SHANK2: variants seen among roughly 807,000 people sequenced by gnomAD.
SHANK2 encodes the protein SH3 and multiple ankyrin repeat domains protein 2.
A neutral mutation model predicts 133.7 loss-of-function variants in SHANK2; 43 were observed. The observed-to-expected ratio is 0.32, with a 90% CI of 0.25 to 0.41. The LOEUF (loss-of-function observed/expected upper bound fraction) is 0.41. Among genes scored for constraint, SHANK2 ranks in the 10% least tolerant of loss-of-function variants. The pLI, the probability that SHANK2 is intolerant of heterozygous loss-of-function variation, is 1.00. For missense variants in SHANK2, 1,994 were observed against 2,235.8 expected (o/e 0.89, Z 2.18); for synonymous variants, 1,017 against 952.8 (o/e 1.07, Z -1.24).
chr11:70,729,419 C>A (rs555488338), intron 14 of SHANK2, among the ~76,000 whole-genome samples: 1 of 151,826 alleles, frequency 6.6e-6, no homozygotes, highest in Non-Finnish European at 1.5e-5. Flanking sequence ...TTCATGGGCA[C>A]GGGGCTTCCT....
intron 14 of SHANK2, among the ~76,000 whole-genome samples, chr11:70,785,453 C>T (rs1355726461): frequency 6.6e-6 from 1 of 152,226 alleles, no homozygotes; most frequent in African/African-American, 2.4e-5. Flanking sequence ...CCAAAAGTCT[C>T]CTCTCTCCTT....
At chr11:70,766,377 C>A (rs962577724) in intron 14 of SHANK2, among the ~76,000 whole-genome samples, 8 of 152,206 alleles carry the variant, frequency 5.3e-5, no homozygotes, top group Admixed American at 3.9e-4. Context: ...TTTTCTGTCA[C>A]ATGTGGCTGA....
chr11:70,706,511 C>T (rs1336688392), intron 14 of SHANK2, among the ~76,000 whole-genome samples: 1 of 152,130 alleles, frequency 6.6e-6, no homozygotes, highest in Non-Finnish European at 1.5e-5. Flanking sequence ...GCTGTGACCT[C>T]CTCACTTTGC....
chr11:70,936,326 A>G (rs1417559644), intron 10 of SHANK2, among the ~76,000 whole-genome samples: 1 of 152,168 alleles, frequency 6.6e-6, no homozygotes, highest in African/African-American at 2.4e-5. Context: ...AGCCTGGCCA[A>G]CATGGTGAAA....
At chr11:70,713,919 C>A (rs1945853378) in intron 14 of SHANK2, among the ~76,000 whole-genome samples, 1 of 152,256 alleles carries the variant, frequency 6.6e-6, no homozygotes, top group Non-Finnish European at 1.5e-5. Flanking sequence ...GTGCCAGTGT[C>A]CAAGCTCTGG....
At position 71,175,545 on chromosome 11, in the gene SHANK2, G is replaced by GAGAGAGAGAGAGA. The variant is rs1953416607; in HGVS notation, c.-12-28208_-12-28207insTCTCTCTCTCTCT. 1.3e-5 allele frequency among the ~76,000 whole-genome samples: 1 copy of GAGAGAGAGAGAGA among 79,306 alleles called. No homozygotes were observed. The highest frequency in any genetic ancestry group is 4.4e-5 in the African/African-American group (1 of 22,508). 52.0% of individuals were successfully genotyped at this position (79,306 alleles called of 152,430 possible). ...GACAGACAGACAGACAGAGGGAGAG[G>GAGAGAGAGAGAGA]GAGAGGGAGAGAGAGAGAGAGAGAG... On this transcript the variant is annotated intron_variant, in intron 2 of 25. Transcript: ENST00000601538. This position sits in a 1 kb window ranked among gnomAD's most constrained non-coding sequence, Gnocchi z 4.2.
Position 70,535,468 on chromosome 11 carries a change from G to GTCCATCCA in SHANK2, c.2062-32545_2062-32538dup, listed in dbSNP as rs782323185. On this transcript the variant is annotated intron_variant, in intron 17 of 25. Coordinates refer to ENST00000601538, the MANE Select transcript of SHANK2 (RefSeq NM_012309.5). The surrounding 1 kb of genome is among the most constrained non-coding windows in gnomAD (Gnocchi z 4.3). ...CATCAGTCCAACCATCAGTCCGTCC[G>GTCCATCCA]TCCATCCATCCATCCATCCATCCAT... Among the ~76,000 whole-genome samples the GTCCATCCA allele has an allele frequency of 1.3e-5, 2 of 150,670 alleles. No homozygotes were observed. Among genetic ancestry groups the GTCCATCCA allele is most frequent in the Admixed American group, 6.6e-5 (1 of 15,208 alleles).
intron 11 of SHANK2, among the ~76,000 whole-genome samples, chr11:70,823,004 A>G (rs1184182615): frequency 3.0e-4 from 14 of 46,448 alleles, no homozygotes; most frequent in Admixed American, 5.5e-4. Flanking sequence ...GACAGAGGTG[A>G]TGTTGGCAGA....
At chr11:71,244,996 A>G (rs1378343185) in intron 1 of SHANK2, among the ~76,000 whole-genome samples, 1 of 149,390 alleles carries the variant, frequency 6.7e-6, no homozygotes, top group African/African-American at 2.5e-5. Context: ...GAGCCACTGC[A>G]CTATTTTTTT....
Position 70,536,958 on chromosome 11 carries a change from AG to A in SHANK2, c.2062-34028del, listed in dbSNP as rs569486923. Among the ~76,000 whole-genome samples the A allele has an allele frequency of 1.5e-3, 229 of 152,316 alleles. 3 individuals carry two copies. Among genetic ancestry groups the A allele is most frequent in the African/African-American group, 5.3e-3 (222 of 41,568 alleles). ...CAGAGCAGAGGACCCTTCTTACTCC[AG>A]GAAATAAACAGCATTTTCTGAGCCG... On this transcript the variant is annotated intron_variant, in intron 17 of 25. Transcript: ENST00000601538.
intron 17 of SHANK2, among the ~76,000 whole-genome samples, chr11:70,573,697 C>A (rs970894042): frequency 1.3e-5 from 2 of 152,166 alleles, no homozygotes; most frequent in African/African-American, 4.8e-5. Flanking sequence ...CCCACGCAAG[C>A]CCCTGGCTGC....
intron 17 of SHANK2, among the ~76,000 whole-genome samples, chr11:70,600,528 G>A (rs2060480441): frequency 1.3e-5 from 2 of 151,816 alleles, no homozygotes; most frequent in Admixed American, 6.6e-5. Context: ...TAATCCTGAA[G>A]AGATAAAAGG....
At chr11:70,772,745 C>T (rs150682411) in intron 14 of SHANK2, among the ~76,000 whole-genome samples, 2 of 152,286 alleles carry the variant, frequency 1.3e-5, no homozygotes, top group African/African-American at 4.8e-5. Context: ...CTGCTTTACA[C>T]CACCTGTATA....
chr11:71,193,104 A>G (rs1458914667), intron 2 of SHANK2, among the ~76,000 whole-genome samples: 5 of 152,220 alleles, frequency 3.3e-5, no homozygotes, highest in Non-Finnish European at 7.3e-5. Flanking sequence ...ACAGAGACAA[A>G]TGGCCTCCAG....
intron 14 of SHANK2, among the ~76,000 whole-genome samples, chr11:70,758,598 C>A (rs552972653): frequency 6.6e-6 from 1 of 152,180 alleles, no homozygotes; most frequent in Non-Finnish European, 1.5e-5. Context: ...AACCCCAGGT[C>A]AAGGAACAAG....
rs371748585 is a variant in SHANK2 at position 70,826,884 on chromosome 11, G to A, written c.1175-6202C>T. ...CGAGCTGGCAGCTGGGAGACGCCGG[G>A]AGGCATGAGTGAGCTCGAGCCCCAG... On this transcript the variant is annotated intron_variant, in intron 11 of 25. Coordinates refer to ENST00000601538, the MANE Select transcript of SHANK2 (RefSeq NM_012309.5). 7 of 204,076 alleles carry A rather than the reference G, an allele frequency of 3.4e-5. No individual in the cohort carries two copies. The South Asian group carries it at 4.7e-4, about 14-fold the overall frequency. 12.6% of individuals were successfully genotyped at this position (204,076 alleles called of 1,614,324 possible). A position where few individuals can be genotyped will look rare whatever the true frequency, so the allele number is the denominator to read the frequency against.
At chr11:70,629,068 G>A (rs2060942615) in intron 17 of SHANK2, among the ~76,000 whole-genome samples, 1 of 152,150 alleles carries the variant, frequency 6.6e-6, no homozygotes, top group African/African-American at 2.4e-5. Context: ...AGGCATGTGC[G>A]CGCCACAGCT....
intron 12 of SHANK2, among the ~76,000 whole-genome samples, chr11:70,819,242 G>A (rs1474221619): frequency 6.6e-6 from 1 of 152,252 alleles, no homozygotes; most frequent in East Asian, 1.9e-4. Flanking sequence ...AGGGGCCTGT[G>A]CCGAGTCCTG....
At chr11:70,839,393 C>T (rs1204700122) in intron 11 of SHANK2, among the ~76,000 whole-genome samples, 1 of 152,170 alleles carries the variant, frequency 6.6e-6, no homozygotes, top group East Asian at 1.9e-4. Flanking sequence ...ATCCGGCAGC[C>T]AGCGCAGTCT....
Sources: allele counts gnomAD v4.1 joint callset (sites outside exome capture counted in the v4.1 genomes callset), GRCh38; gene constraint gnomAD v4.1.1; non-coding constraint Gnocchi (gnomAD v3.1); transcripts MANE v1.5; gene names NCBI Gene and HGNC (gene_info 2026-07-23, HGNC 2026-07-21).